The following TTC7B variants were observed in gnomAD, a reference collection of about 807,000 sequenced individuals.
TTC7B encodes the protein tetratricopeptide repeat protein 7B.
TTC7B carries 28 observed loss-of-function variants against 106.8 expected under a neutral mutation model. The ratio of observed to expected loss-of-function variants is 0.26; its 90% confidence interval spans 0.19 to 0.36. The LOEUF is 0.36. TTC7B is among the 10% of genes least tolerant of loss of function. The probability of loss-of-function intolerance (pLI) is 1.00; values close to 1 mark genes in which losing one functional copy is unlikely to be tolerated. For synonymous variants in TTC7B, 405 were observed against 430.6 expected, an observed-to-expected ratio of 0.94 and a Z score of 0.74; for missense variants, 862 against 1,076.4, an observed-to-expected ratio of 0.80 and a Z score of 2.79.
chr14:90,578,339 C>T lies in TTC7B; in HGVS notation c.2108-31G>A. 4 of 1,602,438 alleles carry T rather than the reference C, an allele frequency of 2.5e-6. No individual in the cohort carries two copies. ...AGGAGACAGCAACGGCACATGCTTT[C>T]CTGGTGCCCCTCTGAGGCCCTGCGA... On this transcript the variant is annotated intron_variant, in intron 18 of 19. Coordinates refer to ENST00000328459, the MANE Select transcript of TTC7B (RefSeq NM_001010854.2). The surrounding 1 kb of genome is among the most constrained non-coding windows in gnomAD (Gnocchi z 4.7).
At chr14:90,599,044 G>A (rs1034915121) in intron 17 of TTC7B, among the ~76,000 whole-genome samples, 25 of 152,132 alleles carry the variant, frequency 1.6e-4, no homozygotes, top group South Asian at 4.1e-4. Flanking sequence ...CCAGCTACTC[G>A]GGAGGCTGAG....
intron 17 of TTC7B, among the ~76,000 whole-genome samples, chr14:90,607,010 G>T (rs1229766385): frequency 6.6e-6 from 1 of 152,120 alleles, no homozygotes; most frequent in East Asian, 1.9e-4. Context: ...GGCAAAATAG[G>T]ATATTAGGGA....
At chr14:90,593,648 ACT>A (rs776200942) in intron 17 of TTC7B, 22 bp from the exon 18 acceptor site, 14 of 1,564,346 alleles carry the variant, frequency 8.9e-6, no homozygotes, top group Admixed American at 7.2e-5. Flanking sequence ...TTTTGAGAAG[ACT>A]CTATCAGGAG....
chr14:90,582,814 C>T (rs1891553207), intron 18 of TTC7B, among the ~76,000 whole-genome samples: 1 of 152,224 alleles, frequency 6.6e-6, no homozygotes, highest in South Asian at 2.1e-4. Flanking sequence ...GGAAATTACA[C>T]TTGCATGGGG....
intron 3 of TTC7B, among the ~76,000 whole-genome samples, chr14:90,777,729 A>G (rs1281600893): frequency 6.6e-6 from 1 of 152,170 alleles, no homozygotes; most frequent in Non-Finnish European, 1.5e-5. Context: ...ATTCCTACAC[A>G]GAGCTAGGAC....
intron 19 of TTC7B, among the ~76,000 whole-genome samples, chr14:90,556,540 T>G (rs1890314634): frequency 6.6e-6 from 1 of 152,150 alleles, no homozygotes; most frequent in Admixed American, 6.5e-5. Context: ...ATTTCTACAT[T>G]TCCCTGGTTG....
intron 11 of TTC7B, 76 bp from the exon 12 acceptor site, chr14:90,655,186 C>T (rs1385715084): frequency 9.1e-7 from 1 of 1,095,002 alleles, no homozygotes; most frequent in African/African-American, 1.5e-5. Context: ...CGTCTGCTGC[C>T]AAAATTGGAT....
chr14:90,706,500 G>C (rs1888218283), intron 5 of TTC7B, among the ~76,000 whole-genome samples: 1 of 152,076 alleles, frequency 6.6e-6, no homozygotes, highest in African/African-American at 2.4e-5. Context: ...TCTAATATTT[G>C]GCTTTCCAGT....
At chr14:90,679,262 C>A (rs575345860) in intron 8 of TTC7B, among the ~76,000 whole-genome samples, 2 of 152,218 alleles carry the variant, frequency 1.3e-5, no homozygotes, top group African/African-American at 2.4e-5. Context: ...TTGTAAACAT[C>A]AGTGGACCAT....
chr14:90,563,959 A>C (rs1890688188), intron 19 of TTC7B, among the ~76,000 whole-genome samples: 1 of 152,054 alleles, frequency 6.6e-6, no homozygotes, highest in Admixed American at 6.6e-5. Flanking sequence ...TTCCTCCAAC[A>C]AAGTCTTGAC....
At chr14:90,588,682 A>G (rs1301280813) in intron 18 of TTC7B, among the ~76,000 whole-genome samples, 3 of 152,210 alleles carry the variant, frequency 2.0e-5, no homozygotes, top group Admixed American at 6.5e-5. Flanking sequence ...GGGCTCCCAC[A>G]TTGTAAAAAT....
At chr14:90,653,073 C>T (rs538048193) in intron 12 of TTC7B, among the ~76,000 whole-genome samples, 175 bp from the exon 13 acceptor site, 87 of 152,320 alleles carry the variant, frequency 5.7e-4, no homozygotes, top group African/African-American at 1.9e-3. Context: ...CCCAGTCCTA[C>T]CCCCAAGGTG....
chr14:90,653,512 G>A (rs1450079536), intron 12 of TTC7B, among the ~76,000 whole-genome samples: 3 of 152,172 alleles, frequency 2.0e-5, no homozygotes, highest in Non-Finnish European at 2.9e-5. Flanking sequence ...AGGCCACCTC[G>A]CTGTGAATCA....
intron 15 of TTC7B, among the ~76,000 whole-genome samples, chr14:90,643,498 A>G (rs1885280386): frequency 1.3e-5 from 2 of 152,244 alleles, no homozygotes; most frequent in South Asian, 4.1e-4. Context: ...ACATTGGGAA[A>G]GAGTGGATAA....
chr14:90,756,673 G>C (rs970885920), intron 3 of TTC7B, among the ~76,000 whole-genome samples: 3 of 152,132 alleles, frequency 2.0e-5, no homozygotes, highest in African/African-American at 4.8e-5. Context: ...GGGATTACAG[G>C]TGTGAGCCAC....
chr14:90,580,966 T>G (rs1891464054), intron 18 of TTC7B, among the ~76,000 whole-genome samples: 1 of 152,116 alleles, frequency 6.6e-6, no homozygotes, highest in Non-Finnish European at 1.5e-5. Context: ...TTGACCTCAA[T>G]CAGCCTGGCC....
chr14:90,783,132 G>A (rs973477978), intron 2 of TTC7B, among the ~76,000 whole-genome samples: 4 of 152,306 alleles, frequency 2.6e-5, no homozygotes, highest in African/African-American at 9.6e-5. Context: ...TGGGAGAACA[G>A]CCCCAACACA....
intron 1 of TTC7B, among the ~76,000 whole-genome samples, chr14:90,788,223 T>C (rs1891456553): frequency 6.6e-6 from 1 of 152,084 alleles, no homozygotes; most frequent in Admixed American, 6.6e-5. Context: ...GACAATGAAG[T>C]GGCGCATACA....
rs551512215 is a variant in TTC7B, at chr14:90,722,820, T to G, written c.698+7255A>C. Reference sequence around the variant, plus strand: ...CTAGCACAGGTTCCCGTTTTGGCTTTCACAAGGACACACCCTCACGATTTC... The same window carrying G: ...CTAGCACAGGTTCCCGTTTTGGCTTGCACAAGGACACACCCTCACGATTTC... On this transcript the variant is annotated intron_variant, in intron 5 of 19. Coordinates refer to ENST00000328459, the MANE Select transcript of TTC7B (RefSeq NM_001010854.2). Among the ~76,000 whole-genome samples the G allele has an allele frequency of 5.3e-5, 8 of 152,306 alleles. No individual in the cohort carries two copies. In the East Asian group the frequency reaches 1.5e-3, roughly 29 times the overall value.
Sources: gnomAD v4.1 joint callset for allele counts (sites outside exome capture counted in the v4.1 genomes callset) on GRCh38, gnomAD v4.1.1 for gene constraint, Gnocchi (gnomAD v3.1) non-coding constraint, MANE v1.5 for transcripts, NCBI Gene and HGNC (gene_info 2026-07-23, HGNC 2026-07-21) for gene names.